The following TAF11L11 variants were observed in gnomAD, a reference collection of about 807,000 sequenced individuals.
TAF11L11 encodes the protein TATA-box binding protein associated factor 11 like 11.
exon 1 of TAF11L11, chr5:17,604,769 G>T (rs77163869): frequency 0.015 from 5,907 of 383,692 alleles, 225 homozygotes; most frequent in African/African-American, 0.016. Context: ...GGAGCAGACT[G>T]GAATCTCACC....
At chr5:17,605,103 G>A (rs574594882) in exon 1 of TAF11L11, 10 of 394,816 alleles carry the variant, frequency 2.5e-5, no homozygotes, top group East Asian at 1.4e-4. Flanking sequence ...CAGCTATCTC[G>A]CTACGAAGTG....
exon 1 of TAF11L11, chr5:17,604,923 G>T: frequency 2.6e-6 from 1 of 392,100 alleles, no homozygotes; most frequent in African/African-American, 2.1e-5. Context: ...GAGCTCAGGA[G>T]TCAGGATGTC....
At position 17,604,970 on chromosome 5, in the gene TAF11L11, T is replaced by C. The variant is rs553049012; in HGVS notation, c.190T>C (p.Ser64Pro). The change falls in exon 1 of 1, where the codon TCA becomes CCA. Residue 64 changes from serine (S) to proline (P), a missense_variant. By Grantham distance (74) the Ser-to-Pro change is moderately conservative (BLOSUM62 -1). Coordinates refer to ENST00000510838, the Ensembl canonical transcript of TAF11L11. ...AGAAGGTGACAATGAAGCGTCAGCC[T>C]CAACTCCTCCTTCAGCTAAAAGGCA... 155 of 392,942 alleles carry C rather than the reference T, an allele frequency of 3.9e-4. 6 individuals carry two copies. In the South Asian group the frequency reaches 0.017, roughly 44 times the overall value. The allele number at this position is 392,942 out of a possible 1,614,324, so 24.3% of individuals were successfully genotyped here.
At chr5:17,605,712 G>A (rs546246506), downstream of TAF11L11, among the ~76,000 whole-genome samples, 1 of 151,538 alleles carries the variant, frequency 6.6e-6, no homozygotes, top group South Asian at 2.1e-4. Context: ...GATTTGTATG[G>A]TTTCCTGCTG....
exon 1 of TAF11L11, chr5:17,604,805 G>A: frequency 7.7e-6 from 3 of 387,378 alleles, no homozygotes; most frequent in Non-Finnish European, 1.4e-5. Context: ...GCAAAGAGAT[G>A]CCTCTGCTGA....
At chr5:17,604,555 C>A (rs1437981572) in exon 1 of TAF11L11, 1 of 260,742 alleles carries the variant, frequency 3.8e-6, no homozygotes, top group East Asian at 7.0e-5. Context: ...ATATACTCTC[C>A]ATCCACAAGT....
chr5:17,604,606 T>G (rs1739127109), exon 1 of TAF11L11: 1 of 311,180 alleles, frequency 3.2e-6, no homozygotes, highest in African/African-American at 2.2e-5. Context: ...GTGTGTGTGT[T>G]TGTGTGTGGG....
At chr5:17,605,796 T>C (rs1363404017), downstream of TAF11L11, among the ~76,000 whole-genome samples, 1 of 151,462 alleles carries the variant, frequency 6.6e-6, no homozygotes, top group Non-Finnish European at 1.5e-5. Flanking sequence ...CAGAAATGTT[T>C]CCCAATTGTT....
exon 1 of TAF11L11, chr5:17,605,350 C>G (rs1413615343): frequency 5.1e-6 from 2 of 393,738 alleles, no homozygotes; most frequent in Admixed American, 4.5e-5. Flanking sequence ...TCCTCCCCAA[C>G]AGCAACTACA....
chr5:17,605,500 T>C (rs1739151117), downstream of TAF11L11: 2 of 384,970 alleles, frequency 5.2e-6, no homozygotes, highest in Non-Finnish European at 9.2e-6. Flanking sequence ...CCCACGATCT[T>C]AGTGTCTGAA....
the TAF11L11 span, chr5:17,605,071 GT>G: frequency 2.5e-6 from 1 of 394,532 alleles, no homozygotes; most frequent in Non-Finnish European, 4.5e-6. Context: ...TGACAACCCT[GT>G]TTTCTGCCAT....
At chr5:17,605,581 C>G (rs1739153002), downstream of TAF11L11, among the ~76,000 whole-genome samples, 1 of 151,308 alleles carries the variant, frequency 6.6e-6, no homozygotes, top group Non-Finnish European at 1.5e-5. Flanking sequence ...AATATTTGGA[C>G]ATTTTAATGG....
chr5:17,605,211 G>A (rs1378324356), exon 1 of TAF11L11: 3 of 395,536 alleles, frequency 7.6e-6, no homozygotes, highest in Non-Finnish European at 1.3e-5. Flanking sequence ...GCCATGGCTG[G>A]AATAGCCAAG....
chr5:17,605,602 T>C (rs79559438), downstream of TAF11L11, among the ~76,000 whole-genome samples: 11 of 151,308 alleles, frequency 7.3e-5, no homozygotes, highest in Admixed American at 6.6e-5. Context: ...TGTGTTGAGG[T>C]ATTTTTCTCT....
downstream of TAF11L11, among the ~76,000 whole-genome samples, chr5:17,605,574 AT>A (rs1561008383): frequency 1.3e-5 from 2 of 151,286 alleles, no homozygotes; most frequent in African/African-American, 2.4e-5. Flanking sequence ...TTGGCTAAAT[AT>A]TTGGACATTT....
At chr5:17,605,854 A>C (rs527947448), downstream of TAF11L11, among the ~76,000 whole-genome samples, 1 of 151,552 alleles carries the variant, frequency 6.6e-6, no homozygotes, top group African/African-American at 2.4e-5. Flanking sequence ...GTGAGTCATC[A>C]CAAAAGCAGT....
downstream of TAF11L11, among the ~76,000 whole-genome samples, chr5:17,605,650 G>C (rs1409291343): frequency 2.0e-5 from 3 of 151,366 alleles, no homozygotes; most frequent in African/African-American, 4.9e-5. Context: ...CCTGGGCCTA[G>C]AGCATCCTGT....
downstream of TAF11L11, chr5:17,605,514 G>A: frequency 2.6e-6 from 1 of 384,080 alleles, no homozygotes; most frequent in Non-Finnish European, 4.6e-6. Flanking sequence ...GTCTGAAACT[G>A]TGAAGTTGAC....
chr5:17,605,218 C>T (rs7736811), exon 1 of TAF11L11: 105,214 of 395,126 alleles, frequency 0.27, 18,892 homozygotes, highest in East Asian at 0.62. Flanking sequence ...CTGGAATAGC[C>T]AAGGTCTTTG....
Sources: allele counts gnomAD v4.1 joint callset (sites outside exome capture counted in the v4.1 genomes callset), GRCh38; gene constraint gnomAD v4.1.1; transcripts MANE v1.5; gene names NCBI Gene and HGNC (gene_info 2026-07-23, HGNC 2026-07-21).